Variants in CMTR1 observed in about 807,000 individuals in gnomAD.
CMTR1 encodes the protein cap-specific mRNA (nucleoside-2'-O-)-methyltransferase 1.
Under a neutral mutation model 107.0 loss-of-function variants are expected in CMTR1, and 39 were observed. The observed-to-expected ratio is 0.36, with a 90% CI of 0.28 to 0.48. The LOEUF is 0.48. CMTR1 is among the 20% of genes least tolerant of loss of function. The pLI is 0.99. For missense variants in CMTR1, 672 were observed against 1,064.9 expected, an observed-to-expected ratio of 0.63 and a Z score of 5.14; for synonymous variants, 366 against 379.5, an observed-to-expected ratio of 0.96 and a Z score of 0.41.
chr6:37,456,973 C>T (rs559612059), intron 8 of CMTR1, among the ~76,000 whole-genome samples: 22 of 151,966 alleles, frequency 1.4e-4, no homozygotes, highest in African/African-American at 4.8e-4. Context: ...GTAATTCCAA[C>T]ACTGTGGGAG....
intron 17 of CMTR1, among the ~76,000 whole-genome samples, 165 bp from the exon 18 acceptor site, chr6:37,474,359 A>G (rs1205132501): frequency 6.6e-6 from 1 of 152,238 alleles, no homozygotes; most frequent in African/African-American, 2.4e-5. Context: ...CACTACTATC[A>G]TTATCACTAA....
At chr6:37,433,764 C>A (rs1014251258) in intron 1 of CMTR1, among the ~76,000 whole-genome samples, 4 of 152,226 alleles carry the variant, frequency 2.6e-5, no homozygotes, top group Non-Finnish European at 4.4e-5. Flanking sequence ...TTGCCTTCCG[C>A]TTAGAAGTTC....
Position 37,481,493 on chromosome 6 carries a change from A to G in CMTR1, c.*1348A>G. The G allele has an allele frequency of 1.8e-6, 2 of 1,110,890 alleles. No homozygotes were observed. Among genetic ancestry groups the G allele is most frequent in the East Asian group, 7.4e-5 (1 of 13,454 alleles). 68.8% of individuals were successfully genotyped at this position (1,110,890 alleles called of 1,614,324 possible). A position where few individuals can be genotyped will look rare whatever the true frequency, so the allele number is the denominator to read the frequency against. On this transcript the variant is annotated 3_prime_UTR_variant, in exon 24 of 24. Transcript: ENST00000373451. Reference sequence around the variant, plus strand: ...CTTGCAGAATCTTGGATCATTAAAGATAAACATATTTTTAATGCCTGTGTG... The same window carrying G: ...CTTGCAGAATCTTGGATCATTAAAGGTAAACATATTTTTAATGCCTGTGTG...
At chr6:37,450,428 C>G (rs1771925118) in intron 5 of CMTR1, 85 bp downstream of exon 5, 5 of 991,718 alleles carry the variant, frequency 5.0e-6, no homozygotes, top group Non-Finnish European at 8.0e-6. Flanking sequence ...CATACACTTG[C>G]AGTTTAAGAA....
chr6:37,427,255 A>G, the CMTR1 span, among the ~76,000 whole-genome samples: 3 of 151,956 alleles, frequency 2.0e-5, no homozygotes, highest in South Asian at 2.1e-4. The surrounding 1 kb of genome is among the most constrained non-coding windows in gnomAD (Gnocchi z 4.4). Context: ...CGCCAGCACA[A>G]TTTTTGTCTA....
At chr6:37,440,229 T>C (rs2113864359) in intron 2 of CMTR1, among the ~76,000 whole-genome samples, 2 of 152,358 alleles carry the variant, frequency 1.3e-5, no homozygotes, top group South Asian at 4.1e-4. Context: ...TTTAATAGAC[T>C]GACCTTATTA....
rs34327773 is a variant in CMTR1 at position 37,472,690 on chromosome 6, C to T, written c.1689+203C>T. Among the ~76,000 whole-genome samples, 6,976 of 152,292 alleles carry T rather than the reference C, an allele frequency of 0.046. 174 individuals carry two copies. Among genetic ancestry groups the T allele is most frequent in the Middle Eastern group, 0.099 (29 of 294 alleles). On this transcript the variant is annotated intron_variant, in intron 16 of 23. Coordinates refer to ENST00000373451, the MANE Select transcript of CMTR1 (RefSeq NM_015050.3). The surrounding 1 kb of genome is among the most constrained non-coding windows in gnomAD (Gnocchi z 4.1). ...TTCCCCAAGAGCACAGTCAGGCCAACGGAAGATTCTCATGTTCAGTGCTTG... is the reference window on the plus strand; with the variant it reads ...TTCCCCAAGAGCACAGTCAGGCCAATGGAAGATTCTCATGTTCAGTGCTTG...
At chr6:37,433,816 A>G (rs1186791472) in intron 1 of CMTR1, among the ~76,000 whole-genome samples, 1 of 152,236 alleles carries the variant, frequency 6.6e-6, no homozygotes, top group Non-Finnish European at 1.5e-5. Context: ...TCACTTGAGC[A>G]GGGCACTGGT....
At chr6:37,470,935 C>A in intron 13 of CMTR1, 86 bp from the exon 14 acceptor site, 1 of 1,115,258 alleles carries the variant, frequency 9.0e-7, no homozygotes. Context: ...TAGATGGCCA[C>A]TGCTCCCGTT....
At chr6:37,441,193 G>C (rs1252155800) in intron 2 of CMTR1, among the ~76,000 whole-genome samples, 2 of 152,082 alleles carry the variant, frequency 1.3e-5, no homozygotes, top group African/African-American at 4.8e-5. Context: ...CCATACCTTT[G>C]GAAGTGCAGT....
chr6:37,472,887 T>A lies in CMTR1; in HGVS notation c.1689+400T>A, dbSNP rs1265170387. 6.6e-6 allele frequency among the ~76,000 whole-genome samples: 1 copy of A among 152,206 alleles called. No individual in the cohort carries two copies. Among genetic ancestry groups the A allele is most frequent in the Non-Finnish European group, 1.5e-5 (1 of 68,030 alleles). ...AGGGAAGCCCGCAGCAGGGTTGGCC[T>A]AACCCCAGGTTCTTTGTCTTATTTC... On this transcript the variant is annotated intron_variant, in intron 16 of 23. Transcript: ENST00000373451. This position sits in a 1 kb window ranked among gnomAD's most constrained non-coding sequence, Gnocchi z 4.1.
At chr6:37,429,846 G>T (rs545403990), upstream of CMTR1, among the ~76,000 whole-genome samples, 5 of 152,244 alleles carry the variant, frequency 3.3e-5, no homozygotes, top group South Asian at 6.2e-4. Flanking sequence ...GCTGAGGCAG[G>T]AGAATTGCTT....
chr6:37,465,096 C>G (rs1013297137), intron 13 of CMTR1, among the ~76,000 whole-genome samples: 2 of 151,950 alleles, frequency 1.3e-5, no homozygotes, highest in Admixed American at 6.6e-5. Context: ...TGGTGAAACC[C>G]CATCTCTACT....
chr6:37,430,909 C>G (rs1289363246), upstream of CMTR1, among the ~76,000 whole-genome samples: 1 of 149,508 alleles, frequency 6.7e-6, no homozygotes, highest in African/African-American at 2.5e-5. Context: ...AGCTACTCGG[C>G]AGGCTGAGGC....
intron 4 of CMTR1, among the ~76,000 whole-genome samples, 173 bp from the exon 5 acceptor site, chr6:37,450,078 T>C (rs149410919): frequency 2.2e-4 from 34 of 152,330 alleles, no homozygotes; most frequent in African/African-American, 7.7e-4. Flanking sequence ...AGTTAAACTT[T>C]AGAATTCTGG....
intron 13 of CMTR1, among the ~76,000 whole-genome samples, chr6:37,464,379 A>C (rs1030029499): frequency 2.1e-4 from 32 of 151,482 alleles, no homozygotes; most frequent in Non-Finnish European, 4.4e-4. Flanking sequence ...AGGCAGGAGA[A>C]TGGCGTGAAC....
chr6:37,471,138 C>A, intron 14 of CMTR1, 61 bp downstream of exon 14: 2 of 1,433,688 alleles, frequency 1.4e-6, no homozygotes, highest in Non-Finnish European at 1.9e-6. Context: ...CTTTTCCTCC[C>A]CACAAGCTGT....
intron 10 of CMTR1, 29 bp downstream of exon 10, chr6:37,459,713 G>A (rs1382855940): frequency 6.9e-7 from 1 of 1,442,700 alleles, no homozygotes; most frequent in East Asian, 2.3e-5. Flanking sequence ...ATAGACTGAT[G>A]CATTAAGGAT....
intron 8 of CMTR1, among the ~76,000 whole-genome samples, chr6:37,456,141 T>A (rs558510314): frequency 1.9e-4 from 29 of 152,336 alleles, no homozygotes; most frequent in Non-Finnish European, 1.2e-4. Flanking sequence ...GACCAGTGGT[T>A]CACTTAGAGG....
Sources: gnomAD v4.1 joint callset for allele counts (sites outside exome capture counted in the v4.1 genomes callset) on GRCh38, gnomAD v4.1.1 for gene constraint, Gnocchi (gnomAD v3.1) non-coding constraint, MANE v1.5 for transcripts, NCBI Gene and HGNC (gene_info 2026-07-23, HGNC 2026-07-21) for gene names.